Variants in GRK3 observed in about 807,000 individuals in gnomAD.
GRK3 encodes the protein adrenergic, beta, receptor kinase 2.
GRK3 carries 54 observed loss-of-function variants against 95.7 expected under a neutral mutation model. The ratio of observed to expected loss-of-function variants is 0.56; its 90% CI spans 0.45 to 0.71. The LOEUF (loss-of-function observed/expected upper bound fraction) is 0.71, where lower values mean the gene tolerates loss of function less well. Among genes scored for constraint, GRK3 ranks in the 30% least tolerant of loss-of-function variants. The pLI, the probability that GRK3 is intolerant of heterozygous loss-of-function variation, is 0.00. For synonymous variants in GRK3, 281 were observed against 290.8 expected (o/e 0.97, Z 0.34); for missense variants, 649 against 851.2 (o/e 0.76, Z 2.96).
At chr22:25,593,474 CAT>C (rs1241603897) in intron 1 of GRK3, among the ~76,000 whole-genome samples, 3 of 151,896 alleles carry the variant, frequency 2.0e-5, no homozygotes, top group Middle Eastern at 3.4e-3. Context: ...AGCATTTTTT[CAT>C]ATGTTTGTTG....
intron 1 of GRK3, among the ~76,000 whole-genome samples, chr22:25,579,766 CTG>C (rs1480277542): frequency 6.6e-6 from 1 of 151,864 alleles, no homozygotes; most frequent in East Asian, 1.9e-4. Flanking sequence ...GCCACCGAGC[CTG>C]GCCGAGGGGA....
intron 1 of GRK3, among the ~76,000 whole-genome samples, chr22:25,586,155 G>A (rs1235545512): frequency 3.3e-5 from 5 of 152,352 alleles, no homozygotes; most frequent in African/African-American, 1.2e-4. Flanking sequence ...ACATTTCACA[G>A]TGACATGTTG....
intron 1 of GRK3, among the ~76,000 whole-genome samples, chr22:25,589,656 G>A (rs1227049631): frequency 2.0e-5 from 3 of 152,188 alleles, no homozygotes; most frequent in Non-Finnish European, 4.4e-5. Context: ...AACATTTACA[G>A]AACGAGAGAA....
At chr22:25,579,061 G>A (rs1173607388) in intron 1 of GRK3, among the ~76,000 whole-genome samples, 2 of 152,064 alleles carry the variant, frequency 1.3e-5, no homozygotes. Flanking sequence ...AATTGAAAAG[G>A]TAAAGAATTA....
At chr22:25,624,541 G>A (rs536800890) in intron 2 of GRK3, among the ~76,000 whole-genome samples, 1 of 152,212 alleles carries the variant, frequency 6.6e-6, no homozygotes, top group Admixed American at 6.5e-5. Flanking sequence ...TCCAGCCTGG[G>A]TGACAGAGTG....
At chr22:25,639,693 T>C (rs2084728978) in intron 2 of GRK3, among the ~76,000 whole-genome samples, 1 of 152,182 alleles carries the variant, frequency 6.6e-6, no homozygotes, top group Non-Finnish European at 1.5e-5. Context: ...CTTGTCAGTT[T>C]CTTTAAAAAG....
intron 2 of GRK3, among the ~76,000 whole-genome samples, chr22:25,625,762 G>C (rs1416401893): frequency 6.6e-6 from 1 of 152,180 alleles, no homozygotes; most frequent in East Asian, 1.9e-4. Flanking sequence ...TAGTCAATTA[G>C]TGAAAGTACT....
rs895267246 is a variant in GRK3 at position 25,564,851 on chromosome 22, C to T, written c.-190C>T. ...GCGGGGAGGCGTGCTGCGACCCCGGCCGGCTACAGCCTGCGGCGCGCGCAG... is the reference window on the plus strand; with the variant it reads ...GCGGGGAGGCGTGCTGCGACCCCGGTCGGCTACAGCCTGCGGCGCGCGCAG... On this transcript the variant is annotated 5_prime_UTR_variant, in exon 1 of 21. Transcript: ENST00000324198. 1 of 145,754 alleles carries T rather than the reference C, an allele frequency of 6.9e-6. No individual in the cohort carries two copies. The highest frequency in any genetic ancestry group is 1.5e-5 in the Non-Finnish European group (1 of 65,612). 9.0% of individuals were successfully genotyped at this position (145,754 alleles called of 1,614,324 possible).
intron 3 of GRK3, among the ~76,000 whole-genome samples, chr22:25,645,141 G>A (rs890313813): frequency 6.6e-6 from 1 of 152,134 alleles, no homozygotes; most frequent in Non-Finnish European, 1.5e-5. Flanking sequence ...AAGAAATTTG[G>A]TGAAATCTGA....
intron 19 of GRK3, among the ~76,000 whole-genome samples, chr22:25,720,601 C>T (rs970869538): frequency 3.3e-5 from 5 of 151,364 alleles, no homozygotes; most frequent in Admixed American, 1.3e-4. Flanking sequence ...CTCAGCCTCC[C>T]GAGTAGCTGG....
At position 25,623,359 on chromosome 22, in the gene GRK3, C is replaced by T. The variant is rs566496767; in HGVS notation, c.190+18906C>T. 1.9e-3 allele frequency among the ~76,000 whole-genome samples: 292 copies of T among 152,326 alleles called. 1 individual carries two copies. The highest frequency in any genetic ancestry group is 6.9e-3 in the African/African-American group (286 of 41,572). ...TGGCATTGGGCCTTCCTAATTCCCG[C>T]CGTGTAAGCCCCTGCCTTTGGCTTG... On this transcript the variant is annotated intron_variant, in intron 2 of 20. Coordinates refer to ENST00000324198, the MANE Select transcript of GRK3 (RefSeq NM_005160.4).
chr22:25,718,466 C>T (rs1177017058), intron 19 of GRK3, 85 bp downstream of exon 19: 2 of 1,401,800 alleles, frequency 1.4e-6, no homozygotes, highest in Non-Finnish European at 2.0e-6. Context: ...ATGTTTTATA[C>T]ACTATCCTCC....
chr22:25,627,846 C>T (rs1403616945), intron 2 of GRK3, among the ~76,000 whole-genome samples: 1 of 152,200 alleles, frequency 6.6e-6, no homozygotes, highest in Non-Finnish European at 1.5e-5. Context: ...GCATTTCTGT[C>T]AACGCCAGGA....
intron 13 of GRK3, among the ~76,000 whole-genome samples, chr22:25,696,506 G>A (rs942086132): frequency 9.9e-5 from 15 of 152,174 alleles, no homozygotes; most frequent in African/African-American, 3.6e-4. Flanking sequence ...CAATTTTAAT[G>A]GAAAACTTCA....
intron 1 of GRK3, among the ~76,000 whole-genome samples, chr22:25,600,601 G>A (rs2084403226): frequency 6.6e-6 from 1 of 152,170 alleles, no homozygotes; most frequent in South Asian, 2.1e-4. Context: ...GGTCTTATAA[G>A]TAATCTAGAG....
intron 9 of GRK3, among the ~76,000 whole-genome samples, chr22:25,682,221 A>G (rs1350990319): frequency 1.3e-5 from 2 of 152,214 alleles, no homozygotes; most frequent in Non-Finnish European, 2.9e-5. Flanking sequence ...AGGTGACCGG[A>G]TGTTTTAAAG....
chr22:25,661,521 T>A, intron 3 of GRK3, 55 bp from the exon 4 acceptor site: 1 of 1,200,948 alleles, frequency 8.3e-7, no homozygotes. Flanking sequence ...TATATTTTAA[T>A]AAGGCAAGTT....
At chr22:25,624,023 G>A (rs909898638) in intron 2 of GRK3, among the ~76,000 whole-genome samples, 11 of 152,120 alleles carry the variant, frequency 7.2e-5, no homozygotes, top group African/African-American at 2.4e-4. Flanking sequence ...GTCTGGTCAC[G>A]GTGTGATTGC....
At position 25,721,099 on chromosome 22, in the gene GRK3, A is replaced by G. The variant is rs147261783; in HGVS notation, c.1792-185A>G. On this transcript the variant is annotated intron_variant, in intron 19 of 20. Coordinates refer to ENST00000324198, the MANE Select transcript of GRK3 (RefSeq NM_005160.4). ...CTTTCTCTGCAGTTTTCCTTGAAAC[A>G]TTATAATTTGAACTTTTGTTTGTGT... Among the ~76,000 whole-genome samples, 519 of 152,326 alleles carry G rather than the reference A, an allele frequency of 3.4e-3. 5 individuals are homozygous for G. Among genetic ancestry groups the G allele is most frequent in the African/African-American group, 0.011 (478 of 41,578 alleles).
Sources: gnomAD v4.1 joint callset for allele counts (sites outside exome capture counted in the v4.1 genomes callset) on GRCh38, gnomAD v4.1.1 for gene constraint, MANE v1.5 for transcripts, NCBI Gene and HGNC (gene_info 2026-07-23, HGNC 2026-07-21) for gene names.